CCDC85A: variants seen among roughly 807,000 people sequenced by gnomAD.
The protein encoded by CCDC85A is coiled-coil domain-containing protein 85A.
A neutral mutation model predicts 50.2 loss-of-function variants in CCDC85A; 38 were observed. The observed-to-expected ratio is 0.76, with a 90% CI of 0.58 to 0.99. The LOEUF is 0.99. CCDC85A is among the 50% of genes least tolerant of loss of function. CCDC85A has a pLI of 0.00. For synonymous variants in CCDC85A, 366 were observed against 301.4 expected, an observed-to-expected ratio of 1.21 and a Z score of -2.22; for missense variants, 820 against 742.0, an observed-to-expected ratio of 1.11 and a Z score of -1.22.
chr2:56,248,282 G>T (rs571819228), intron 2 of CCDC85A, among the ~76,000 whole-genome samples: 1 of 152,244 alleles, frequency 6.6e-6, no homozygotes, highest in East Asian at 1.9e-4. Flanking sequence ...GCTCTGGAAC[G>T]GTCTCCCTTG....
In CCDC85A at chr2:56,184,388, G is replaced by C. The variant is rs962917593; in HGVS notation, c.-237G>C. The C allele has an allele frequency of 1.6e-5, 8 of 494,678 alleles. No individual in the cohort carries two copies. The highest frequency in any genetic ancestry group is 2.1e-5 in the Non-Finnish European group (7 of 334,510). 30.6% of individuals were successfully genotyped at this position (494,678 alleles called of 1,614,324 possible). On this transcript the variant is annotated 5_prime_UTR_variant, in exon 1 of 6. Coordinates refer to ENST00000407595, the MANE Select transcript of CCDC85A (RefSeq NM_001080433.2). Reference sequence around the variant, plus strand: ...TTGCGCGGAGTTGGGACGGGCCTCGGCAGCAGCAAGCGGCTGGCTGCCGGG... The same window carrying C: ...TTGCGCGGAGTTGGGACGGGCCTCGCCAGCAGCAAGCGGCTGGCTGCCGGG...
At chr2:56,344,598 T>C (rs1674539719) in intron 3 of CCDC85A, among the ~76,000 whole-genome samples, 1 of 152,214 alleles carries the variant, frequency 6.6e-6, no homozygotes, top group African/African-American at 2.4e-5. Flanking sequence ...GATTGTGTCA[T>C]GAAATAAAAT....
intron 2 of CCDC85A, among the ~76,000 whole-genome samples, chr2:56,206,823 T>C (rs766244933): frequency 2.0e-5 from 3 of 152,200 alleles, no homozygotes; most frequent in Non-Finnish European, 4.4e-5. Context: ...GTTTGTACCG[T>C]GATTTAATCC....
intron 2 of CCDC85A, among the ~76,000 whole-genome samples, chr2:56,253,155 A>G (rs753404140): frequency 3.9e-5 from 6 of 152,198 alleles, no homozygotes; most frequent in Non-Finnish European, 7.3e-5. Context: ...TCACATTAAG[A>G]AACAGAATTT....
At chr2:56,222,655 AATATTC>A (rs1390144922) in intron 2 of CCDC85A, among the ~76,000 whole-genome samples, 5 of 152,142 alleles carry the variant, frequency 3.3e-5, no homozygotes, top group Non-Finnish European at 7.4e-5. Context: ...CTTGGCACAG[AATATTC>A]ATGGGCATAT....
At position 56,192,914 on chromosome 2, in the gene CCDC85A, G is replaced by T; in HGVS notation, c.714G>T (p.Gln238His). The change falls in exon 2 of 6, where the codon CAG (glutamine) becomes CAT (histidine). Residue 238 changes from glutamine (Q) to histidine (H), a missense_variant. Physicochemically the swap from Gln to His is conservative, Grantham distance 24. Coordinates refer to ENST00000407595, the MANE Select transcript of CCDC85A (RefSeq NM_001080433.2). This position sits in a 1 kb window ranked among gnomAD's most constrained non-coding sequence, Gnocchi z 4.7. The stretch of plus-strand genomic sequence containing the variant: ...GCAGTGGCAGCCCGGAGCACCTGCA[G>T]AAGCCCCGGAGCGAGGGCAGCCCGG... ...HASSGSPEHL[Q>H]KPRSEGSPEH... 6.2e-7 allele frequency: 1 copy of T among 1,611,688 alleles called. No individual in the cohort carries two copies. Among genetic ancestry groups the T allele is most frequent in the South Asian group, 1.1e-5 (1 of 90,948 alleles).
chr2:56,306,985 G>A (rs1281223163), intron 2 of CCDC85A, among the ~76,000 whole-genome samples: 1 of 152,042 alleles, frequency 6.6e-6, no homozygotes, highest in Non-Finnish European at 1.5e-5. Context: ...ATTTAGTATA[G>A]TGGTTTTGCT....
intron 2 of CCDC85A, among the ~76,000 whole-genome samples, chr2:56,330,429 C>A (rs60766485): frequency 3.2e-4 from 49 of 152,276 alleles, no homozygotes; most frequent in African/African-American, 9.6e-4. Flanking sequence ...TTAACTGCAT[C>A]TTGAATAATT....
intron 2 of CCDC85A, among the ~76,000 whole-genome samples, chr2:56,215,577 GTTT>G (rs11295380): frequency 3.7e-5 from 5 of 136,928 alleles, no homozygotes; most frequent in Non-Finnish European, 6.3e-5. Flanking sequence ...TTTGCTGATA[GTTT>G]TTTTTTTTTT....
rs1421076947 is a variant in CCDC85A, at chr2:56,344,240, GTTA to G, written c.1317+1292_1317+1294del. 5.3e-5 allele frequency among the ~76,000 whole-genome samples: 8 copies of G among 152,240 alleles called. No homozygotes were observed. The East Asian group carries it at 1.5e-3, about 29-fold the overall frequency. ...AGAGATTAACAACACTAATAACAAA[GTTA>G]TTATTAGTAAAGTACTATTAAATAC... is the stretch of plus-strand genomic sequence containing the variant. On this transcript the variant is annotated intron_variant, in intron 3 of 5. Transcript: ENST00000407595.
chr2:56,310,347 C>G (rs1370464371), intron 2 of CCDC85A, among the ~76,000 whole-genome samples: 1 of 152,150 alleles, frequency 6.6e-6, no homozygotes, highest in Non-Finnish European at 1.5e-5. Context: ...AGGAGGTTAG[C>G]TCATATTCTT....
In CCDC85A at chr2:56,278,953, C is replaced by T. The variant is rs572252764; in HGVS notation, c.1241-63926C>T. Among the ~76,000 whole-genome samples, 25 of 152,258 alleles carry T rather than the reference C, an allele frequency of 1.6e-4. No homozygotes were observed. The South Asian group carries it at 1.7e-3, about 10-fold the overall frequency. ...GTGTGTTAGGGATCAACAGGAGGCA[C>T]GAGGGGGAAGGAACAAACCATCTCC... On this transcript the variant is annotated intron_variant, in intron 2 of 5. Coordinates refer to ENST00000407595, the MANE Select transcript of CCDC85A (RefSeq NM_001080433.2).
chr2:56,283,672 A>G (rs1383882468), intron 2 of CCDC85A, among the ~76,000 whole-genome samples: 1 of 152,128 alleles, frequency 6.6e-6, no homozygotes, highest in Non-Finnish European at 1.5e-5. Context: ...AAGGAAATCT[A>G]TTTCATTTAC....
At chr2:56,308,225 C>G (rs1672531050) in intron 2 of CCDC85A, among the ~76,000 whole-genome samples, 1 of 152,156 alleles carries the variant, frequency 6.6e-6, no homozygotes, top group Non-Finnish European at 1.5e-5. Context: ...CAAAATATTT[C>G]TGTTCTGAAA....
At chr2:56,332,753 A>G (rs533027523) in intron 2 of CCDC85A, among the ~76,000 whole-genome samples, 6 of 137,198 alleles carry the variant, frequency 4.4e-5, no homozygotes, top group African/African-American at 1.7e-4. Context: ...AAGACTTTTT[A>G]TTGAAATTAC....
intron 2 of CCDC85A, among the ~76,000 whole-genome samples, chr2:56,218,940 C>T (rs895296928): frequency 2.0e-5 from 3 of 151,662 alleles, no homozygotes; most frequent in Non-Finnish European, 2.9e-5. Context: ...TTTTATTCAT[C>T]TATAAAGATA....
intron 2 of CCDC85A, among the ~76,000 whole-genome samples, chr2:56,330,579 C>A (rs1366070988): frequency 6.6e-6 from 1 of 152,114 alleles, no homozygotes; most frequent in Non-Finnish European, 1.5e-5. Context: ...AGTCATAGGG[C>A]AGCTTGGAAA....
chr2:56,227,495 T>C (rs1668593110), intron 2 of CCDC85A, among the ~76,000 whole-genome samples: 1 of 152,150 alleles, frequency 6.6e-6, no homozygotes, highest in Admixed American at 6.6e-5. Flanking sequence ...TTAACAAGTG[T>C]TCCAAGCGGG....
chr2:56,288,353 T>G (rs13386846), intron 2 of CCDC85A, among the ~76,000 whole-genome samples: 17,576 of 151,942 alleles, frequency 0.12, 1,145 homozygotes, highest in East Asian at 0.31. Context: ...ACTTGTGTAT[T>G]TCCCAAAGCA....
Sources: allele counts gnomAD v4.1 joint callset (sites outside exome capture counted in the v4.1 genomes callset), GRCh38; gene constraint gnomAD v4.1.1; non-coding constraint Gnocchi (gnomAD v3.1); transcripts MANE v1.5; gene names NCBI Gene and HGNC (gene_info 2026-07-23, HGNC 2026-07-21).